The following FIRRM variants were observed in gnomAD, a reference collection of about 807,000 sequenced individuals.
FIRRM encodes the protein FIGNL1-interacting regulator of recombination and mitosis.
At chr1:169,784,595 G>A in the FIRRM span, among the ~76,000 whole-genome samples, 1 of 152,080 alleles carries the variant, frequency 6.6e-6, no homozygotes, top group Non-Finnish European at 1.5e-5. Context: ...TTCTGAGAAG[G>A]CTTGAGTCCA....
At chr1:169,852,259 G>C in the FIRRM span, 2 of 352,404 alleles carry the variant, frequency 5.7e-6, no homozygotes, top group Admixed American at 4.6e-5. Flanking sequence ...TAAATGTTTA[G>C]TTTGATTCCT....
At chr1:169,850,483 A>G in the FIRRM span, 2 of 604,384 alleles carry the variant, frequency 3.3e-6, no homozygotes, top group Non-Finnish European at 5.8e-6. Flanking sequence ...GACTTTTACT[A>G]AGCAATTGAG....
the FIRRM span, chr1:169,832,514 A>T: frequency 1.2e-6 from 2 of 1,601,094 alleles, no homozygotes; most frequent in East Asian, 4.5e-5. Flanking sequence ...CAGGCAAGGA[A>T]GGATATCATC....
At chr1:169,818,272 G>A in the FIRRM span, among the ~76,000 whole-genome samples, 1 of 152,216 alleles carries the variant, frequency 6.6e-6, no homozygotes, top group South Asian at 2.1e-4. Flanking sequence ...CAGAACAGAA[G>A]TGTAGGTAAG....
the FIRRM span, among the ~76,000 whole-genome samples, chr1:169,848,999 A>G: frequency 6.6e-6 from 1 of 152,242 alleles, no homozygotes; most frequent in South Asian, 2.1e-4. Flanking sequence ...AACCAAACTA[A>G]TAAATCCCCA....
At chr1:169,843,603 C>T in the FIRRM span, 3 of 873,242 alleles carry the variant, frequency 3.4e-6, no homozygotes, top group East Asian at 7.5e-5. Context: ...AATAAATGCT[C>T]AATAAAAGCT....
the FIRRM span, among the ~76,000 whole-genome samples, chr1:169,789,539 G>A: frequency 1.3e-5 from 2 of 152,234 alleles, no homozygotes; most frequent in Non-Finnish European, 2.9e-5. Flanking sequence ...GCACATCTGA[G>A]AAATGGGCAG....
chr1:169,791,210 A>G, the FIRRM span, among the ~76,000 whole-genome samples: 1 of 152,206 alleles, frequency 6.6e-6, no homozygotes, highest in Non-Finnish European at 1.5e-5. Context: ...GCTAGGTATA[A>G]GCATCTGGCT....
the FIRRM span, chr1:169,807,905 G>A: frequency 1.2e-6 from 2 of 1,607,532 alleles, no homozygotes; most frequent in Admixed American, 3.4e-5. Context: ...AGTTAGCTGA[G>A]CAGATGACAC....
the FIRRM span, among the ~76,000 whole-genome samples, chr1:169,847,060 T>C: frequency 0.065 from 9,935 of 152,250 alleles, 432 homozygotes; most frequent in Non-Finnish European, 0.099. Context: ...ACTGGTGACC[T>C]ACCTGTTGGT....
At chr1:169,824,089 A>G in the FIRRM span, among the ~76,000 whole-genome samples, 55 of 152,226 alleles carry the variant, frequency 3.6e-4, no homozygotes, top group Non-Finnish European at 6.9e-4. Flanking sequence ...TCCTTCCTCA[A>G]ACTTCCTGTA....
At chr1:169,789,735 G>T in the FIRRM span, among the ~76,000 whole-genome samples, 3 of 152,178 alleles carry the variant, frequency 2.0e-5, no homozygotes, top group Non-Finnish European at 4.4e-5. Context: ...GCAGAGCGAG[G>T]TTTAGAACTT....
chr1:169,810,096 CT>C, the FIRRM span, among the ~76,000 whole-genome samples: 7 of 152,142 alleles, frequency 4.6e-5, no homozygotes, highest in African/African-American at 1.7e-4. Flanking sequence ...AGACAGCTCC[CT>C]TCAACCTCTT....
chr1:169,834,155 T>A, the FIRRM span, among the ~76,000 whole-genome samples: 1 of 152,188 alleles, frequency 6.6e-6, no homozygotes, highest in Admixed American at 6.5e-5. Flanking sequence ...AGTTTATGCC[T>A]AGAGATCTCT....
the FIRRM span, chr1:169,849,667 G>C: frequency 7.7e-7 from 1 of 1,300,556 alleles, no homozygotes; most frequent in Non-Finnish European, 1.1e-6. Flanking sequence ...AAATATTCCA[G>C]AACAATCCCA....
chr1:169,813,423 C>T, the FIRRM span, among the ~76,000 whole-genome samples: 69 of 152,158 alleles, frequency 4.5e-4, no homozygotes, highest in Non-Finnish European at 7.2e-4. Context: ...AAATGTAATA[C>T]GTAATCAGAA....
the FIRRM span, among the ~76,000 whole-genome samples, chr1:169,784,442 C>G: frequency 1.3e-5 from 2 of 152,148 alleles, no homozygotes; most frequent in East Asian, 1.9e-4. Flanking sequence ...ATTTTTTTTC[C>G]CCAGCACTCT....
chr1:169,834,377 A>G, the FIRRM span, among the ~76,000 whole-genome samples: 6 of 152,194 alleles, frequency 3.9e-5, no homozygotes, highest in Non-Finnish European at 8.8e-5. Flanking sequence ...TGAGATAGAT[A>G]CTAATACTCA....
At chr1:169,805,078 A>G in the FIRRM span, among the ~76,000 whole-genome samples, 1 of 152,280 alleles carries the variant, frequency 6.6e-6, no homozygotes, top group Non-Finnish European at 1.5e-5. Context: ...GAAAAACAAT[A>G]TAAAGGCAAA....
Sources: gnomAD v4.1 joint callset for allele counts (sites outside exome capture counted in the v4.1 genomes callset) on GRCh38, gnomAD v4.1.1 for gene constraint, MANE v1.5 for transcripts, NCBI Gene and HGNC (gene_info 2026-07-23, HGNC 2026-07-21) for gene names.